The following GALNT14 variants were observed in gnomAD, a reference collection of about 807,000 sequenced individuals.
GALNT14 encodes UDP-GalNAc:polypeptide N-acetylgalactosaminyltransferase 14.
In GALNT14, 60 loss-of-function variants were observed where a neutral mutation model predicts 77.5. That is an observed-to-expected ratio of 0.77 (90% CI 0.63 to 0.96). GALNT14 has a LOEUF of 0.96. Among genes scored for constraint, GALNT14 ranks in the 40% least tolerant of loss-of-function variants. The probability of loss-of-function intolerance (pLI) is 0.00; values close to 1 mark genes in which losing one functional copy is unlikely to be tolerated. For synonymous variants in GALNT14, 280 were observed against 281.7 expected (o/e 0.99, Z 0.06); for missense variants, 710 against 731.0 (o/e 0.97, Z 0.33).
intron 2 of GALNT14, among the ~76,000 whole-genome samples, 192 bp downstream of exon 2, chr2:30,992,646 G>A (rs748374488): frequency 2.6e-5 from 4 of 152,294 alleles, no homozygotes; most frequent in South Asian, 2.1e-4. Context: ...GTTTGGGATT[G>A]CTCTCAGCAG....
chr2:31,125,283 A>G, intron 1 of GALNT14: 1 of 1,483,546 alleles, frequency 6.7e-7, no homozygotes, highest in Non-Finnish European at 9.2e-7. Flanking sequence ...GAAGAGCAAC[A>G]TGGTCATTTC....
chr2:31,020,039 T>C (rs1671617902), intron 1 of GALNT14, among the ~76,000 whole-genome samples: 1 of 152,090 alleles, frequency 6.6e-6, no homozygotes, highest in Admixed American at 6.5e-5. Context: ...AAACCCACTT[T>C]CCACATGGCC....
chr2:31,007,796 T>C (rs780140432), intron 1 of GALNT14, among the ~76,000 whole-genome samples: 15 of 152,158 alleles, frequency 9.9e-5, no homozygotes, highest in African/African-American at 3.6e-4. Flanking sequence ...AATCAGATTC[T>C]GGAGACAAAG....
chr2:31,020,376 C>T (rs959751980), intron 1 of GALNT14, among the ~76,000 whole-genome samples: 3 of 152,144 alleles, frequency 2.0e-5, no homozygotes, highest in African/African-American at 4.8e-5. Context: ...AATGACACCC[C>T]AGGGAACAAA....
chr2:31,075,137 C>A (rs1675679037), intron 1 of GALNT14, among the ~76,000 whole-genome samples: 1 of 152,164 alleles, frequency 6.6e-6, no homozygotes, highest in Non-Finnish European at 1.5e-5. Flanking sequence ...AAGAGTGTGG[C>A]ACACCCTCTG....
intron 1 of GALNT14, among the ~76,000 whole-genome samples, chr2:31,080,006 G>C (rs1001446199): frequency 6.6e-6 from 1 of 152,220 alleles, no homozygotes; most frequent in Admixed American, 6.5e-5. Context: ...GCTTAGGCAG[G>C]CATGAGCCCT....
intron 1 of GALNT14, among the ~76,000 whole-genome samples, chr2:31,096,623 C>T (rs959070236): frequency 2.0e-5 from 3 of 152,204 alleles, no homozygotes; most frequent in African/African-American, 7.2e-5. Flanking sequence ...CTACCATTAT[C>T]TTTGCTTTGT....
At chr2:30,902,225 T>C in the GALNT14 span, among the ~76,000 whole-genome samples, 2 of 152,180 alleles carry the variant, frequency 1.3e-5, no homozygotes, top group Non-Finnish European at 2.9e-5. Flanking sequence ...AGGTTCAGAA[T>C]GGCTGCTTTG....
chr2:31,066,575 G>C (rs1053209311), intron 1 of GALNT14, among the ~76,000 whole-genome samples: 2 of 152,104 alleles, frequency 1.3e-5, no homozygotes, highest in African/African-American at 4.8e-5. Context: ...GACAGGAGTT[G>C]GACACGAAGT....
chr2:30,994,366 G>T (rs952726031), intron 1 of GALNT14, among the ~76,000 whole-genome samples: 2 of 152,322 alleles, frequency 1.3e-5, no homozygotes, highest in East Asian at 3.9e-4. Flanking sequence ...AGACAGCAGT[G>T]CAGGGGCTTG....
chr2:30,963,388 T>C (rs896222469), intron 3 of GALNT14, among the ~76,000 whole-genome samples: 1 of 152,234 alleles, frequency 6.6e-6, no homozygotes, highest in Non-Finnish European at 1.5e-5. Context: ...AGAGAAGGAA[T>C]GTGTTCTGCA....
chr2:30,916,127 C>A (rs905249191), intron 13 of GALNT14, among the ~76,000 whole-genome samples: 1 of 152,190 alleles, frequency 6.6e-6, no homozygotes, highest in African/African-American at 2.4e-5. Context: ...AGTAAATTTA[C>A]TGAGGCTCCA....
rs4952049 is a variant in GALNT14 at position 31,099,274 on chromosome 2, T to A, written c.129+38684A>T. Among the ~76,000 whole-genome samples the A allele has an allele frequency of 4.8e-3, 737 of 152,198 alleles. 22 individuals are homozygous for A. Among genetic ancestry groups the A allele is most frequent in the Admixed American group, 0.045 (683 of 15,250 alleles). On this transcript the variant is annotated intron_variant, in intron 1 of 14. Coordinates refer to ENST00000349752, the MANE Select transcript of GALNT14 (RefSeq NM_024572.4). ...TTTTTCTGTGCATTGCCCGTTTATATCCTTTGCCTATTATTTTCTATTGGA... is the reference window on the plus strand; with the variant it reads ...TTTTTCTGTGCATTGCCCGTTTATAACCTTTGCCTATTATTTTCTATTGGA...
intron 2 of GALNT14, among the ~76,000 whole-genome samples, chr2:30,979,543 A>C (rs1668857998): frequency 2.0e-5 from 3 of 152,198 alleles, no homozygotes; most frequent in Admixed American, 2.0e-4. Flanking sequence ...GGTTATCATG[A>C]GAGTCAGGAG....
chr2:31,056,331 C>T (rs985059133), intron 1 of GALNT14, among the ~76,000 whole-genome samples: 1 of 152,166 alleles, frequency 6.6e-6, no homozygotes, highest in African/African-American at 2.4e-5. Flanking sequence ...TCTCCTTTCT[C>T]GGGACACTTG....
At chr2:31,066,240 C>CA (rs1674951881) in intron 1 of GALNT14, among the ~76,000 whole-genome samples, 3 of 152,316 alleles carry the variant, frequency 2.0e-5, no homozygotes, top group African/African-American at 7.2e-5. Context: ...TAGGCCCCCC[C>CA]AGAGGCCAGG....
intron 1 of GALNT14, among the ~76,000 whole-genome samples, chr2:31,128,009 G>C (rs530044980): frequency 6.6e-6 from 1 of 152,254 alleles, no homozygotes; most frequent in South Asian, 2.1e-4. Flanking sequence ...GGATCTTAGA[G>C]CAGAGTACCA....
At chr2:31,104,478 C>T (rs1677451126) in intron 1 of GALNT14, among the ~76,000 whole-genome samples, 1 of 152,124 alleles carries the variant, frequency 6.6e-6, no homozygotes, top group Non-Finnish European at 1.5e-5. Flanking sequence ...AAAAAATCAA[C>T]AATGATACAG....
At chr2:30,911,145 T>A in intron 14 of GALNT14, 86 bp from the exon 15 acceptor site, 1 of 1,256,364 alleles carries the variant, frequency 8.0e-7, no homozygotes, top group African/African-American at 1.5e-5. Context: ...AGGTGCCTCA[T>A]GTCTAGGGTC....
Sources: allele counts gnomAD v4.1 joint callset (sites outside exome capture counted in the v4.1 genomes callset), GRCh38; gene constraint gnomAD v4.1.1; transcripts MANE v1.5; gene names NCBI Gene and HGNC (gene_info 2026-07-23, HGNC 2026-07-21).